Variants in LMX1B observed in about 807,000 individuals in gnomAD.
LMX1B encodes the protein LIM homeobox transcription factor 1-beta.
In LMX1B, 12 loss-of-function variants were observed where a neutral mutation model predicts 51.4. That is an observed-to-expected ratio of 0.23 (90% CI 0.15 to 0.38). The LOEUF (loss-of-function observed/expected upper bound fraction) is 0.38, where lower values mean the gene tolerates loss of function less well. Ranked by LOEUF, LMX1B falls within the 10% of genes least tolerant of loss-of-function variation. The pLI, the probability that LMX1B is intolerant of heterozygous loss-of-function variation, is 1.00. For missense variants in LMX1B, 445 were observed against 571.1 expected (o/e 0.78, Z 2.25); for synonymous variants, 237 against 235.4 (o/e 1.01, Z -0.06).
intron 2 of LMX1B, among the ~76,000 whole-genome samples, chr9:126,679,132 C>T (rs372406504): frequency 2.0e-5 from 3 of 152,228 alleles, no homozygotes; most frequent in East Asian, 3.8e-4. Context: ...CTGCTGATTC[C>T]CCATCACCTA....
At chr9:126,646,403 CCCAT>C (rs55688235) in intron 2 of LMX1B, among the ~76,000 whole-genome samples, 6 of 151,618 alleles carry the variant, frequency 4.0e-5, no homozygotes, top group African/African-American at 9.7e-5. Context: ...CATCAATCTA[CCCAT>C]CCATCCATCC....
chr9:126,647,155 T>C (rs537909649), intron 2 of LMX1B, among the ~76,000 whole-genome samples: 1 of 151,958 alleles, frequency 6.6e-6, no homozygotes, highest in African/African-American at 2.4e-5. Flanking sequence ...TGTGCTATGA[T>C]GGCACCTGTG....
At chr9:126,652,445 G>A (rs1836037806) in intron 2 of LMX1B, among the ~76,000 whole-genome samples, 1 of 152,246 alleles carries the variant, frequency 6.6e-6, no homozygotes, top group South Asian at 2.1e-4. Context: ...GCAGGTGGGG[G>A]TGCGGCCGCA....
intron 2 of LMX1B, among the ~76,000 whole-genome samples, chr9:126,620,699 C>T (rs1278581030): frequency 6.6e-6 from 1 of 151,754 alleles, no homozygotes; most frequent in Non-Finnish European, 1.5e-5. Flanking sequence ...CGGAGGGTGG[C>T]CGGGTGTGCT....
chr9:126,617,853 T>C (rs1165873625), intron 2 of LMX1B, among the ~76,000 whole-genome samples: 1 of 139,760 alleles, frequency 7.2e-6, no homozygotes, highest in African/African-American at 2.7e-5. Context: ...CATTCTATTT[T>C]TTCCAATAAC....
chr9:126,620,176 C>A (rs776068218), intron 2 of LMX1B, among the ~76,000 whole-genome samples: 2 of 152,186 alleles, frequency 1.3e-5, no homozygotes, highest in Non-Finnish European at 2.9e-5. Context: ...TACCATGAGC[C>A]TCTCCATGCA....
intron 2 of LMX1B, among the ~76,000 whole-genome samples, chr9:126,624,672 T>A (rs1029158650): frequency 5.9e-5 from 9 of 151,422 alleles, no homozygotes; most frequent in African/African-American, 1.9e-4. Context: ...TCTTGTTTTT[T>A]TTTTTTTGGA....
chr9:126,686,367 A>G (rs1050173418), intron 2 of LMX1B, among the ~76,000 whole-genome samples: 1 of 152,126 alleles, frequency 6.6e-6, no homozygotes, highest in Non-Finnish European at 1.5e-5. Context: ...TTTGTTTATT[A>G]GCCTTATGAG....
intron 2 of LMX1B, among the ~76,000 whole-genome samples, chr9:126,635,554 C>A (rs926843277): frequency 6.6e-6 from 1 of 152,330 alleles, no homozygotes; most frequent in East Asian, 1.9e-4. Context: ...AGGAGGCTGG[C>A]GGTCTCAACC....
intron 2 of LMX1B, among the ~76,000 whole-genome samples, chr9:126,685,400 C>T (rs188364737): frequency 1.3e-5 from 2 of 152,208 alleles, no homozygotes; most frequent in Admixed American, 6.5e-5. Flanking sequence ...TACTCTTGGA[C>T]GTTCAGAAAT....
At chr9:126,675,112 G>C (rs903340942) in intron 2 of LMX1B, among the ~76,000 whole-genome samples, 1 of 152,016 alleles carries the variant, frequency 6.6e-6, no homozygotes, top group South Asian at 2.1e-4. Context: ...GCATATTAGC[G>C]TTTGTATAAA....
intron 2 of LMX1B, among the ~76,000 whole-genome samples, chr9:126,661,552 C>T (rs956603953): frequency 9.8e-5 from 15 of 152,298 alleles, no homozygotes; most frequent in Admixed American, 5.9e-4. Context: ...CATGGAGAGG[C>T]GGCTTTCAGA....
At chr9:126,617,214 C>A (rs540225363) in intron 2 of LMX1B, among the ~76,000 whole-genome samples, 1 of 152,072 alleles carries the variant, frequency 6.6e-6, no homozygotes, top group East Asian at 1.9e-4. Context: ...TAGGGTGCAC[C>A]AGCCTCTAGC....
At chr9:126,679,360 A>G (rs1836630116) in intron 2 of LMX1B, among the ~76,000 whole-genome samples, 1 of 152,078 alleles carries the variant, frequency 6.6e-6, no homozygotes, top group Non-Finnish European at 1.5e-5. Context: ...GGATGGAGGC[A>G]TGGATGTTTG....
chr9:126,642,430 C>T (rs889548476), intron 2 of LMX1B, among the ~76,000 whole-genome samples: 1 of 152,170 alleles, frequency 6.6e-6, no homozygotes, highest in Non-Finnish European at 1.5e-5. Context: ...CAGTGCCACC[C>T]ACACTCCCAC....
chr9:126,669,440 T>G (rs1836409323), intron 2 of LMX1B, among the ~76,000 whole-genome samples: 1 of 152,100 alleles, frequency 6.6e-6, no homozygotes, highest in African/African-American at 2.4e-5. Flanking sequence ...CGGGTCTGCA[T>G]TGTGTATTTG....
Position 126,639,406 on chromosome 9 carries a change from G to A in LMX1B, c.326+23837G>A, listed in dbSNP as rs182353393. 4.7e-4 allele frequency among the ~76,000 whole-genome samples: 71 copies of A among 152,336 alleles called. 1 individual carries two copies. The highest frequency in any genetic ancestry group is 2.5e-3 in the Admixed American group (39 of 15,310). Reference sequence around the variant, plus strand: ...TTCTCCAGGGGCCTCGAACAAAGCCGGGCCCATGCCCCACCCCTCTACCCG... The same window carrying A: ...TTCTCCAGGGGCCTCGAACAAAGCCAGGCCCATGCCCCACCCCTCTACCCG... On this transcript the variant is annotated intron_variant, in intron 2 of 7. Transcript: ENST00000373474.
intron 2 of LMX1B, among the ~76,000 whole-genome samples, chr9:126,672,362 T>A (rs1156794860): frequency 6.6e-6 from 1 of 152,236 alleles, no homozygotes; most frequent in African/African-American, 2.4e-5. Flanking sequence ...GCAGGGTTTG[T>A]GCCCATGCGG....
At chr9:126,655,006 G>A (rs1182464283) in intron 2 of LMX1B, among the ~76,000 whole-genome samples, 2 of 152,232 alleles carry the variant, frequency 1.3e-5, no homozygotes, top group African/African-American at 4.8e-5. Flanking sequence ...TGGGTCTGTT[G>A]CTTCCTGTTG....
Sources: allele counts gnomAD v4.1 joint callset (sites outside exome capture counted in the v4.1 genomes callset), GRCh38; gene constraint gnomAD v4.1.1; transcripts MANE v1.5; gene names NCBI Gene and HGNC (gene_info 2026-07-23, HGNC 2026-07-21).